FAM47E: variants seen among roughly 807,000 people sequenced by gnomAD.
The protein encoded by FAM47E is protein FAM47E.
In FAM47E, 32 loss-of-function variants were observed where a neutral mutation model predicts 41.6. The observed-to-expected ratio is 0.77, with a 90% CI of 0.58 to 1.03. FAM47E has a LOEUF of 1.03. Among genes scored for constraint, FAM47E ranks in the 50% least tolerant of loss-of-function variants. The pLI is 0.00. For synonymous variants in FAM47E, 184 were observed against 188.7 expected (o/e 0.98, Z 0.20); for missense variants, 424 against 485.4 (o/e 0.87, Z 1.19).
At chr4:76,249,305 C>T (rs1733900229), upstream of FAM47E, among the ~76,000 whole-genome samples, 1 of 152,014 alleles carries the variant, frequency 6.6e-6, no homozygotes, top group Non-Finnish European at 1.5e-5. Flanking sequence ...TTGGTAGAAA[C>T]CCTAGGCATA....
At chr4:76,261,754 A>G (rs1432490895) in intron 2 of FAM47E, among the ~76,000 whole-genome samples, 1 of 152,116 alleles carries the variant, frequency 6.6e-6, no homozygotes, top group Non-Finnish European at 1.5e-5. Context: ...GTTCACTAGA[A>G]ATCCAAACCC....
chr4:76,261,571 T>C (rs1288965441), intron 2 of FAM47E, among the ~76,000 whole-genome samples: 1 of 152,028 alleles, frequency 6.6e-6, no homozygotes, highest in African/African-American at 2.4e-5. Flanking sequence ...TAACTCAGAA[T>C]CAGAAAATCA....
intron 2 of FAM47E, among the ~76,000 whole-genome samples, chr4:76,261,686 G>T (rs1217977729): frequency 6.6e-6 from 1 of 152,088 alleles, no homozygotes; most frequent in East Asian, 1.9e-4. Flanking sequence ...GGGGTTAGGA[G>T]GGTGTTGAGG....
At chr4:76,272,905 C>A (rs1734951418) in intron 5 of FAM47E, among the ~76,000 whole-genome samples, 1 of 152,172 alleles carries the variant, frequency 6.6e-6, no homozygotes, top group African/African-American at 2.4e-5. Context: ...ATTTTCTCTT[C>A]TGACTAGAAG....
upstream of FAM47E, among the ~76,000 whole-genome samples, chr4:76,248,276 A>G (rs188370247): frequency 5.3e-5 from 8 of 152,028 alleles, no homozygotes; most frequent in East Asian, 1.5e-3. Flanking sequence ...ATGAAGTCCA[A>G]TTTATCTATT....
At chr4:76,248,156 C>T (rs903556944), upstream of FAM47E, among the ~76,000 whole-genome samples, 7 of 151,960 alleles carry the variant, frequency 4.6e-5, no homozygotes, top group Non-Finnish European at 5.9e-5. Flanking sequence ...CATCGTGATC[C>T]GCCCATCTCA....
intron 2 of FAM47E, among the ~76,000 whole-genome samples, chr4:76,224,908 C>T (rs1299545862): frequency 1.3e-5 from 2 of 152,024 alleles, no homozygotes; most frequent in Non-Finnish European, 2.9e-5. Context: ...CCGCCTCCTA[C>T]CCTTCCCCCC....
chr4:76,260,809 A>G (rs1396092739), intron 2 of FAM47E, among the ~76,000 whole-genome samples: 1 of 152,212 alleles, frequency 6.6e-6, no homozygotes, highest in Non-Finnish European at 1.5e-5. Flanking sequence ...TTTGCAAACT[A>G]TACATGTGAC....
chr4:76,231,935 C>A (rs1269252355), intron 2 of FAM47E, among the ~76,000 whole-genome samples: 2 of 152,184 alleles, frequency 1.3e-5, no homozygotes, highest in African/African-American at 4.8e-5. Flanking sequence ...GAAAGCATAC[C>A]CTTCCAGTCA....
chr4:76,283,495 C>A lies in FAM47E; in HGVS notation c.*37C>A. ...GAGAATGATTAGGCAGATTTTATTA[C>A]TACGTACTTGGCTATTTCTCTGTCT... On this transcript the variant is annotated 3_prime_UTR_variant, in exon 8 of 8. Transcript: ENST00000424749. 8.2e-7 allele frequency: 1 copy of A among 1,225,212 alleles called. No individual in the cohort carries two copies. Among genetic ancestry groups the A allele is most frequent in the Non-Finnish European group, 1.2e-6 (1 of 851,684 alleles). The allele number at this position is 1,225,212 out of a possible 1,614,324, so 75.9% of individuals were successfully genotyped here.
intron 5 of FAM47E, among the ~76,000 whole-genome samples, chr4:76,273,902 T>A (rs932060480): frequency 2.6e-5 from 4 of 151,878 alleles, no homozygotes; most frequent in Non-Finnish European, 5.9e-5. Context: ...CCATCTAGTA[T>A]TTTTTTAGAA....
chr4:76,240,735 A>G (rs1292947082), intron 2 of FAM47E, among the ~76,000 whole-genome samples: 2 of 152,108 alleles, frequency 1.3e-5, no homozygotes, highest in African/African-American at 4.8e-5. Context: ...ATTTCTGGAA[A>G]CCAATTTCTT....
In FAM47E at chr4:76,280,292, C is replaced by T; in HGVS notation, c.1055C>T (p.Thr352Ile). The change falls in exon 7 of 8, where the codon ACA (threonine) becomes ATA (isoleucine). Residue 352 changes from threonine (T) to isoleucine (I), a missense_variant. Transcript: ENST00000424749. ...QEELLADLHG[T>I]VAFKDFILSR... Reference sequence around the variant, plus strand: ...GAGTTACTTGCAGACCTTCACGGAACAGTTGCCTTTAAGGATTTCATTCTA... The same window carrying T: ...GAGTTACTTGCAGACCTTCACGGAATAGTTGCCTTTAAGGATTTCATTCTA... 1 of 1,550,664 alleles carries T rather than the reference C, an allele frequency of 6.4e-7. No homozygotes were observed. Among genetic ancestry groups the T allele is most frequent in the Non-Finnish European group, 8.7e-7 (1 of 1,146,152 alleles).
At chr4:76,278,326 C>T in intron 6 of FAM47E, 102 bp downstream of exon 6, 1 of 1,245,904 alleles carries the variant, frequency 8.0e-7, no homozygotes, top group Non-Finnish European at 1.0e-6. Flanking sequence ...TACAAAGGCT[C>T]CTGAAAGCCC....
At chr4:76,222,499 A>T (rs1201768980) in intron 2 of FAM47E, among the ~76,000 whole-genome samples, 1 of 152,164 alleles carries the variant, frequency 6.6e-6, no homozygotes, top group African/African-American at 2.4e-5. Context: ...AAGTGCTGGG[A>T]TTACAGGCAT....
At chr4:76,261,458 GT>G (rs1734414795) in intron 2 of FAM47E, among the ~76,000 whole-genome samples, 1 of 152,310 alleles carries the variant, frequency 6.6e-6, no homozygotes, top group African/African-American at 2.4e-5. Flanking sequence ...TAAAGATAAT[GT>G]GGTATGTATA....
At chr4:76,234,894 C>G (rs1733558025) in intron 2 of FAM47E, among the ~76,000 whole-genome samples, 1 of 152,098 alleles carries the variant, frequency 6.6e-6, no homozygotes, top group Admixed American at 6.6e-5. Context: ...GCATTCTAGC[C>G]TGGGCAATAG....
chr4:76,236,576 G>T, intron 2 of FAM47E: 1 of 151,676 alleles, frequency 6.6e-6, no homozygotes, highest in South Asian at 2.1e-4. Flanking sequence ...AACATTTTAG[G>T]GAGACATTTA....
At position 76,256,536 on chromosome 4, in the gene FAM47E, A is replaced by T; in HGVS notation, c.420+13A>T. The T allele has an allele frequency of 6.6e-7, 1 of 1,525,886 alleles. No homozygotes were observed. Among genetic ancestry groups the T allele is most frequent in the Non-Finnish European group, 8.9e-7 (1 of 1,129,586 alleles). The allele number at this position is 1,525,886 out of a possible 1,614,324, so 94.5% of individuals were successfully genotyped here. ...TATGCCCATAGAGGTGATGTGTCCT[A>T]GGGTTTGTGGGAGGGGCTTCACTGG... On this transcript the variant is annotated intron_variant, in intron 2 of 7. Coordinates refer to ENST00000424749, the MANE Select transcript of FAM47E (RefSeq NM_001136570.3).
Sources: allele counts gnomAD v4.1 joint callset (sites outside exome capture counted in the v4.1 genomes callset), GRCh38; gene constraint gnomAD v4.1.1; transcripts MANE v1.5; gene names NCBI Gene and HGNC (gene_info 2026-07-23, HGNC 2026-07-21).